MAP7D2: variants seen among roughly 807,000 people sequenced by gnomAD.
MAP7D2 encodes MAP7 domain-containing protein 2.
A neutral mutation model predicts 63.5 loss-of-function variants in MAP7D2; 33 were observed. The ratio of observed to expected loss-of-function variants is 0.52; its 90% CI spans 0.39 to 0.70. The LOEUF is 0.70. Ranked by LOEUF, MAP7D2 falls within the 30% of genes least tolerant of loss-of-function variation. The pLI is 0.00. For missense variants in MAP7D2, 626 were observed against 604.0 expected, an observed-to-expected ratio of 1.04 and a Z score of -0.38; for synonymous variants, 224 against 223.7, an observed-to-expected ratio of 1.00 and a Z score of -0.01.
intron 1 of MAP7D2, among the ~76,000 whole-genome samples, chrX:20,094,313 G>C (rs1268191247): frequency 9.7e-6 from 1 of 103,049 alleles, no homozygotes; most frequent in Non-Finnish European, 2.0e-5. Context: ...TGACCCATTT[G>C]TGAGGTTCTT....
At chrX:20,040,374 GT>G (rs770283268) in intron 8 of MAP7D2, among the ~76,000 whole-genome samples, 2 of 111,783 alleles carry the variant, frequency 1.8e-5, no homozygotes, top group African/African-American at 6.5e-5. Flanking sequence ...CTTTCTTATG[GT>G]TTGTGTGTTC....
intron 8 of MAP7D2, among the ~76,000 whole-genome samples, chrX:20,036,361 G>A (rs1343844782): frequency 1.8e-5 from 2 of 109,207 alleles, no homozygotes; most frequent in African/African-American, 6.7e-5. Flanking sequence ...TCCTGCCTCA[G>A]CCTCCCGAGT....
chrX:20,025,684 C>A lies in MAP7D2; in HGVS notation c.1276G>T (p.Ala426Ser). ...AAAGGKAENSAALGKPTAGTT... is the reference protein window; with the variant it reads ...AAAGGKAENSSALGKPTAGTT... The stretch of plus-strand genomic sequence containing the variant: ...AAGGCACGGTGGCAGCATCTACCTG[C>A]GCTGTTTTCGGCTTTCCCTCCTGCG... The change falls in exon 9 of 17, where the codon GCA becomes TCA. Residue 426 changes from alanine to serine, a missense_variant. Coordinates refer to ENST00000379643, the MANE Select transcript of MAP7D2 (RefSeq NM_001168465.2). 8.3e-7 allele frequency: 1 copy of A among 1,211,531 alleles called. No individual in the cohort carries two copies. The highest frequency in any genetic ancestry group is 1.1e-6 in the Non-Finnish European group (1 of 895,296).
Position 20,068,263 on chromosome X carries a change from C to T in MAP7D2, c.131-3458G>A, listed in dbSNP as rs190514065. Among the ~76,000 whole-genome samples the T allele has an allele frequency of 2.7e-5, 3 of 111,678 alleles. No homozygotes were observed. The Admixed American group carries it at 2.8e-4, about 11-fold the overall frequency. ...TTAGTCACACTGGGCACACTTTAGG[C>T]GCTTAATAGCCACATGTGGCTGGCG... is the stretch of plus-strand genomic sequence containing the variant. On this transcript the variant is annotated intron_variant, in intron 1 of 16. Transcript: ENST00000379643.
intron 8 of MAP7D2, among the ~76,000 whole-genome samples, chrX:20,026,597 G>A (rs1335088577): frequency 1.8e-5 from 2 of 112,235 alleles, no homozygotes; most frequent in East Asian, 5.5e-4. Context: ...CCAAGAGATG[G>A]GGATGGGGGG....
At chrX:20,073,047 C>T (rs1391670986) in intron 1 of MAP7D2, among the ~76,000 whole-genome samples, 3 of 110,451 alleles carry the variant, frequency 2.7e-5, no homozygotes, top group African/African-American at 9.9e-5. Flanking sequence ...TAGTGCTCCC[C>T]CCCACCCCAA....
At chrX:20,028,502 C>T (rs912169856) in intron 8 of MAP7D2, among the ~76,000 whole-genome samples, 5 of 112,355 alleles carry the variant, frequency 4.5e-5, no homozygotes, top group African/African-American at 1.3e-4. Context: ...CTCCATTGAG[C>T]ATGGTTTTCC....
intron 3 of MAP7D2, among the ~76,000 whole-genome samples, chrX:20,059,393 G>A (rs1336655516): frequency 8.9e-6 from 1 of 111,892 alleles, no homozygotes; most frequent in African/African-American, 3.2e-5. Flanking sequence ...GAAAGGCTGA[G>A]CAACAGAAAG....
At chrX:20,036,011 A>C (rs1167763414) in intron 8 of MAP7D2, among the ~76,000 whole-genome samples, 1 of 110,287 alleles carries the variant, frequency 9.1e-6, no homozygotes, top group Admixed American at 9.8e-5. Flanking sequence ...ACTTCACATT[A>C]TTCTAAGTGA....
chrX:20,058,797 C>T (rs745888119), intron 3 of MAP7D2, among the ~76,000 whole-genome samples: 3 of 111,979 alleles, frequency 2.7e-5, no homozygotes, highest in Non-Finnish European at 5.6e-5. Flanking sequence ...TTTATGGAAC[C>T]CCAAAAAGTC....
intron 6 of MAP7D2, among the ~76,000 whole-genome samples, chrX:20,045,987 T>TA (rs1200583895): frequency 8.9e-6 from 1 of 112,024 alleles, no homozygotes; most frequent in Non-Finnish European, 1.9e-5. Flanking sequence ...AAGTGAGAGT[T>TA]AGACACAACC....
At chrX:20,024,460 C>T (rs1057284328) in intron 10 of MAP7D2, among the ~76,000 whole-genome samples, 17 of 112,245 alleles carry the variant, frequency 1.5e-4, no homozygotes, top group African/African-American at 4.9e-4. Flanking sequence ...GTTGCCCCTA[C>T]ACACAACCCT....
chrX:20,111,051 G>A (rs1216861009), intron 1 of MAP7D2, among the ~76,000 whole-genome samples: 3 of 111,583 alleles, frequency 2.7e-5, no homozygotes, highest in African/African-American at 9.8e-5. Flanking sequence ...AAGCACAGCA[G>A]CCACGCTGTT....
At chrX:20,112,048 A>T (rs1047612390) in intron 1 of MAP7D2, among the ~76,000 whole-genome samples, 2 of 112,328 alleles carry the variant, frequency 1.8e-5, no homozygotes, top group African/African-American at 6.5e-5. Flanking sequence ...CTAGGATTAC[A>T]GGTGTGAACC....
intron 10 of MAP7D2, among the ~76,000 whole-genome samples, 178 bp downstream of exon 10, chrX:20,024,773 A>C (rs756133728): frequency 3.7e-4 from 42 of 112,134 alleles, no homozygotes; most frequent in African/African-American, 5.8e-4. Flanking sequence ...TGTTATTAAT[A>C]ATTACATCTA....
chrX:20,041,840 T>C (rs1470414314), intron 8 of MAP7D2, among the ~76,000 whole-genome samples: 1 of 111,828 alleles, frequency 8.9e-6, no homozygotes, highest in Non-Finnish European at 1.9e-5. Flanking sequence ...AGTTACATGG[T>C]TTCCTTGGTG....
chrX:20,038,993 C>T (rs1239976128), intron 8 of MAP7D2, among the ~76,000 whole-genome samples: 1 of 112,034 alleles, frequency 8.9e-6, no homozygotes, highest in African/African-American at 3.2e-5. Flanking sequence ...GGCCCAGACC[C>T]TTCAGGAGTG....
intron 10 of MAP7D2, among the ~76,000 whole-genome samples, chrX:20,019,354 T>G (rs2073547748): frequency 9.0e-6 from 1 of 111,658 alleles, no homozygotes; most frequent in African/African-American, 3.3e-5. Flanking sequence ...ACCCTCTCCA[T>G]CCTTGTTCTT....
At chrX:20,084,988 C>T (rs2065875362) in intron 1 of MAP7D2, among the ~76,000 whole-genome samples, 2 of 111,674 alleles carry the variant, frequency 1.8e-5, no homozygotes, top group African/African-American at 3.3e-5. Context: ...TGGTAGGAAC[C>T]TGCAAGCGAG....
Sources: allele counts gnomAD v4.1 joint callset (sites outside exome capture counted in the v4.1 genomes callset), GRCh38; gene constraint gnomAD v4.1.1; transcripts MANE v1.5; gene names NCBI Gene and HGNC (gene_info 2026-07-23, HGNC 2026-07-21).